PRKCA: variants seen among roughly 807,000 people sequenced by gnomAD.
PRKCA encodes the protein protein kinase C alpha.
A neutral mutation model predicts 87.0 loss-of-function variants in PRKCA; 27 were observed. The observed-to-expected ratio is 0.31, with a 90% CI of 0.23 to 0.43. The LOEUF is 0.43. Among genes scored for constraint, PRKCA ranks in the 20% least tolerant of loss-of-function variants. The pLI, the probability that PRKCA is intolerant of heterozygous loss-of-function variation, is 1.00. For synonymous variants in PRKCA, 329 were observed against 311.1 expected, an observed-to-expected ratio of 1.06 and a Z score of -0.61; for missense variants, 518 against 852.3, an observed-to-expected ratio of 0.61 and a Z score of 4.88.
intron 3 of PRKCA, among the ~76,000 whole-genome samples, chr17:66,537,995 C>T (rs992774308): frequency 6.6e-6 from 1 of 152,068 alleles, no homozygotes; most frequent in Admixed American, 6.6e-5. Flanking sequence ...TTAGTAGAGA[C>T]AGGGTTTTAC....
In PRKCA at chr17:66,803,113, T is replaced by C. The variant is rs1304802091; in HGVS notation, c.1855-760T>C. On this transcript the variant is annotated intron_variant, in intron 16 of 16. Coordinates refer to ENST00000413366, the MANE Select transcript of PRKCA (RefSeq NM_002737.3). This position sits in a 1 kb window ranked among gnomAD's most constrained non-coding sequence, Gnocchi z 4.4. ...CTCAGCGACCCCAGTGCAACAGTTC[T>C]GCCTGGAGTGGACCCTGGAGGAGAG... Among the ~76,000 whole-genome samples the C allele has an allele frequency of 6.6e-6, 1 of 152,184 alleles. No homozygotes were observed. Among genetic ancestry groups the C allele is most frequent in the Non-Finnish European group, 1.5e-5 (1 of 68,032 alleles).
At chr17:66,395,164 G>A (rs1351414248) in intron 2 of PRKCA, among the ~76,000 whole-genome samples, 1 of 151,988 alleles carries the variant, frequency 6.6e-6, no homozygotes, top group Non-Finnish European at 1.5e-5. Context: ...GTCTGAAAAT[G>A]GACTAATACA....
chr17:66,357,351 A>G (rs1435521599), intron 2 of PRKCA, among the ~76,000 whole-genome samples: 1 of 152,206 alleles, frequency 6.6e-6, no homozygotes, highest in Non-Finnish European at 1.5e-5. Context: ...AATGGCAATG[A>G]GCTGTAGATA....
chr17:66,722,469 T>A (rs67509148), intron 8 of PRKCA, among the ~76,000 whole-genome samples: 23,573 of 152,256 alleles, frequency 0.15, 2,294 homozygotes, highest in East Asian at 0.22. Flanking sequence ...CAGATGTTTT[T>A]ACACATGTAC....
intron 3 of PRKCA, among the ~76,000 whole-genome samples, chr17:66,540,542 T>C (rs1304558652): frequency 6.6e-6 from 1 of 152,068 alleles, no homozygotes; most frequent in Non-Finnish European, 1.5e-5. Flanking sequence ...GGGGCTGCAG[T>C]TAGAAGCAGC....
chr17:66,370,549 CTTTTTT>C (rs555797425), intron 2 of PRKCA, among the ~76,000 whole-genome samples: 15 of 113,670 alleles, frequency 1.3e-4, no homozygotes, highest in African/African-American at 4.5e-4. Context: ...CTTTTCTTTT[CTTTTTT>C]TTTTTTTTTT....
At chr17:66,611,414 TG>T (rs1183078451) in intron 3 of PRKCA, among the ~76,000 whole-genome samples, 1 of 152,252 alleles carries the variant, frequency 6.6e-6, no homozygotes, top group African/African-American at 2.4e-5. Flanking sequence ...TTGTCTATTC[TG>T]GACACTTCAC....
At chr17:66,760,316 GA>G (rs1974654503) in intron 13 of PRKCA, among the ~76,000 whole-genome samples, 2 of 152,172 alleles carry the variant, frequency 1.3e-5, no homozygotes, top group Non-Finnish European at 2.9e-5. Flanking sequence ...GTGGGTCTAA[GA>G]AGAAATCTAA....
At chr17:66,588,421 T>C (rs892407673) in intron 3 of PRKCA, among the ~76,000 whole-genome samples, 2 of 152,102 alleles carry the variant, frequency 1.3e-5, no homozygotes, top group South Asian at 4.2e-4. Flanking sequence ...TCTGCTGGGA[T>C]TTGACATTTT....
chr17:66,713,691 C>T (rs1445341021), intron 8 of PRKCA, among the ~76,000 whole-genome samples: 2 of 152,152 alleles, frequency 1.3e-5, no homozygotes, highest in Non-Finnish European at 2.9e-5. Flanking sequence ...TGCCACCGCT[C>T]GCTCACACCT....
In PRKCA at chr17:66,374,049, C is replaced by T. The variant is rs73324175; in HGVS notation, c.205+67922C>T. On this transcript the variant is annotated intron_variant, in intron 2 of 16. Transcript: ENST00000413366. Reference sequence around the variant, plus strand: ...CATGTCCTGGATCTCATGTTGGGGGCGGCAGTGCTCCCCTGGAAGGGGATG... The same window carrying T: ...CATGTCCTGGATCTCATGTTGGGGGTGGCAGTGCTCCCCTGGAAGGGGATG... 4.6e-3 allele frequency among the ~76,000 whole-genome samples: 706 copies of T among 152,164 alleles called. 7 individuals are homozygous for T. The highest frequency in any genetic ancestry group is 0.016 in the African/African-American group (665 of 41,520).
At chr17:66,351,461 G>A (rs1014194646) in intron 2 of PRKCA, among the ~76,000 whole-genome samples, 4 of 152,128 alleles carry the variant, frequency 2.6e-5, no homozygotes, top group African/African-American at 9.7e-5. Context: ...TTCACCCAAG[G>A]TTTTTAGATT....
chr17:66,440,608 A>G (rs1913683352), intron 2 of PRKCA, among the ~76,000 whole-genome samples: 1 of 152,186 alleles, frequency 6.6e-6, no homozygotes, highest in Non-Finnish European at 1.5e-5. Context: ...CTGGAAGTGC[A>G]TACAACCGGG....
At chr17:66,579,679 C>T (rs1969358076) in intron 3 of PRKCA, among the ~76,000 whole-genome samples, 1 of 142,650 alleles carries the variant, frequency 7.0e-6, no homozygotes, top group African/African-American at 2.5e-5. Flanking sequence ...TTGCTGGGAC[C>T]TTGAAAGAGG....
At chr17:66,347,536 T>A (rs995698202) in intron 2 of PRKCA, among the ~76,000 whole-genome samples, 2 of 152,326 alleles carry the variant, frequency 1.3e-5, no homozygotes, top group Non-Finnish European at 2.9e-5. Context: ...TGAATGGCTC[T>A]TTTATGTGTT....
chr17:66,781,880 T>G (rs570317050), intron 14 of PRKCA, among the ~76,000 whole-genome samples: 1,405 of 134,724 alleles, frequency 0.01, 24 homozygotes, highest in African/African-American at 0.036. Flanking sequence ...TATATATATA[T>G]ATATATAGTG....
At chr17:66,620,632 G>A (rs1970650431) in intron 3 of PRKCA, among the ~76,000 whole-genome samples, 1 of 152,218 alleles carries the variant, frequency 6.6e-6, no homozygotes, top group Non-Finnish European at 1.5e-5. Context: ...AGCAGTGTCT[G>A]CTACTGGAAG....
intron 2 of PRKCA, among the ~76,000 whole-genome samples, chr17:66,374,387 C>G (rs1047431263): frequency 6.6e-6 from 1 of 152,106 alleles, no homozygotes; most frequent in Non-Finnish European, 1.5e-5. Flanking sequence ...GTTGAGGGCC[C>G]GCATATCTGT....
chr17:66,687,066 G>A, intron 5 of PRKCA, 45 bp from the exon 6 acceptor site: 1 of 1,527,792 alleles, frequency 6.5e-7, no homozygotes, highest in Non-Finnish European at 9.0e-7. Context: ...GGGCAATATA[G>A]GTCTGTTCTC....
Sources: gnomAD v4.1 joint callset for allele counts (sites outside exome capture counted in the v4.1 genomes callset) on GRCh38, gnomAD v4.1.1 for gene constraint, Gnocchi (gnomAD v3.1) non-coding constraint, MANE v1.5 for transcripts, NCBI Gene and HGNC (gene_info 2026-07-23, HGNC 2026-07-21) for gene names.